The following PLVAP variants were observed in gnomAD, a reference collection of about 807,000 sequenced individuals.
The protein encoded by PLVAP is plasmalemma vesicle associated protein, also known as plasmalemma vesicle-associated protein.
A neutral mutation model predicts 43.1 loss-of-function variants in PLVAP; 34 were observed. The ratio of observed to expected loss-of-function variants is 0.79; its 90% CI spans 0.60 to 1.05. The LOEUF (loss-of-function observed/expected upper bound fraction) is 1.05. Ranked by LOEUF, PLVAP falls within the 50% of genes least tolerant of loss-of-function variation. PLVAP has a pLI of 0.00. For missense variants in PLVAP, 574 were observed against 593.4 expected (o/e 0.97, Z 0.34); for synonymous variants, 241 against 237.3 (o/e 1.02, Z -0.14).
chr19:17,359,835 A>G (rs900086586), intron 5 of PLVAP, among the ~76,000 whole-genome samples: 1 of 151,854 alleles, frequency 6.6e-6, no homozygotes, highest in Non-Finnish European at 1.5e-5. Flanking sequence ...TGGGATTCCA[A>G]GCATGAGCCA....
At chr19:17,357,686 A>C (rs146668116) in intron 5 of PLVAP, among the ~76,000 whole-genome samples, 149 of 152,244 alleles carry the variant, frequency 9.8e-4, no homozygotes, top group African/African-American at 2.0e-3. Context: ...GATTAAAAAA[A>C]TAAAATTCCA....
chr19:17,359,996 C>T (rs969282222), intron 5 of PLVAP, among the ~76,000 whole-genome samples: 1 of 152,160 alleles, frequency 6.6e-6, no homozygotes, highest in Admixed American at 6.6e-5. Flanking sequence ...GCCTAGAACA[C>T]TGTTCCCCCT....
At chr19:17,352,482 G>T in intron 5 of PLVAP, 114 bp from the exon 6 acceptor site, 2 of 1,200,050 alleles carry the variant, frequency 1.7e-6, no homozygotes, top group Non-Finnish European at 1.2e-6. Context: ...GGGGACCCCG[G>T]CCCTGCCTCC....
chr19:17,352,857 G>C (rs4808627), intron 5 of PLVAP, among the ~76,000 whole-genome samples: 149,019 of 152,290 alleles, frequency 0.98, 73,043 homozygotes, highest in Middle Eastern at 0.99. Context: ...GCCCTCAGGA[G>C]AAAGTCCAAA....
rs1224829197 is a variant in PLVAP, at chr19:17,370,023, A to AAAAG, written c.370-3832_370-3829dup. Among the ~76,000 whole-genome samples, 300 of 144,182 alleles carry AAAAG rather than the reference A, an allele frequency of 2.1e-3. 8 individuals are homozygous for AAAAG. Among genetic ancestry groups the AAAAG allele is most frequent in the East Asian group, 5.4e-3 (26 of 4,852 alleles). The allele number at this position is 144,182 out of a possible 152,430, so 94.6% of individuals were successfully genotyped here. A position where few individuals can be genotyped will look rare whatever the true frequency, so the allele number is the denominator to read the frequency against. Reference sequence around the variant, plus strand: ...GTCTAAAAAAAAAAAAAAAAAAAAAAAAAGAAAGATATTCAAAATCATTAG... The same window carrying AAAAG: ...GTCTAAAAAAAAAAAAAAAAAAAAAAAAAGAAAGAAAGATATTCAAAATCATTAG... On this transcript the variant is annotated intron_variant, in intron 1 of 5. Transcript: ENST00000252590.
intron 1 of PLVAP, among the ~76,000 whole-genome samples, chr19:17,375,524 G>C (rs987787659): frequency 3.3e-5 from 5 of 152,016 alleles, no homozygotes; most frequent in Non-Finnish European, 5.9e-5. Context: ...TTAGGAGGGT[G>C]AGCCTAGGAG....
Position 17,354,758 on chromosome 19 carries a change from C to T in PLVAP, c.1323-2390G>A, listed in dbSNP as rs1378886935. The stretch of plus-strand genomic sequence containing the variant: ...CTAAAAATACAAAAAATTAACCGGG[C>T]GTGGTGGTGGCCACCTGTAGTCCCA... On this transcript the variant is annotated intron_variant, in intron 5 of 5. Transcript: ENST00000252590. 2.7e-5 allele frequency among the ~76,000 whole-genome samples: 4 copies of T among 148,986 alleles called. No individual in the cohort carries two copies. The East Asian group carries it at 6.0e-4, about 22-fold the overall frequency.
chr19:17,363,932 G>C (rs1202801647), intron 3 of PLVAP, among the ~76,000 whole-genome samples: 1 of 151,630 alleles, frequency 6.6e-6, no homozygotes, highest in East Asian at 1.9e-4. Context: ...ATTTTTAGTA[G>C]AGACGGGATT....
intron 1 of PLVAP, among the ~76,000 whole-genome samples, chr19:17,367,390 T>A (rs1018187344): frequency 1.0e-4 from 4 of 38,938 alleles, no homozygotes; most frequent in African/African-American, 2.8e-4. Context: ...GATTTTTAAA[T>A]TTTTTTTTTT....
At chr19:17,358,243 C>T (rs1250419111) in intron 5 of PLVAP, among the ~76,000 whole-genome samples, 2 of 145,788 alleles carry the variant, frequency 1.4e-5, no homozygotes, top group Non-Finnish European at 3.0e-5. Flanking sequence ...AGTGAGCTCC[C>T]TGTTGGAGAG....
chr19:17,376,485 C>T (rs555066389), intron 1 of PLVAP, among the ~76,000 whole-genome samples: 24 of 151,686 alleles, frequency 1.6e-4, no homozygotes, highest in African/African-American at 5.6e-4. Context: ...CATGGAGACC[C>T]TGTCTCTTAA....
Position 17,366,190 on chromosome 19 carries a change from G to C in PLVAP, c.375C>G (p.Ile125Met). 6.2e-7 allele frequency: 1 copy of C among 1,614,126 alleles called. No individual in the cohort carries two copies. The highest frequency in any genetic ancestry group is 8.5e-7 in the Non-Finnish European group (1 of 1,180,008). The change falls in exon 2 of 6, where the codon ATC becomes ATG. Residue 125 changes from isoleucine to methionine, a missense_variant. Ile to Met is a conservative substitution (Grantham distance 10, BLOSUM62 1). Coordinates refer to ENST00000252590, the MANE Select transcript of PLVAP (RefSeq NM_031310.3). The stretch of plus-strand genomic sequence containing the variant: ...CCATGTACCTCTGATTGTTCGTGTA[G>C]ATGACCTGCCCGGAAGATAGGGGAA... ...SFRQCQGDRV[I>M]YTNNQRYMAA...
chr19:17,365,656 C>G lies in PLVAP; in HGVS notation c.809G>C (p.Arg270Thr), dbSNP rs750109599. The change falls in exon 3 of 6, where the codon AGA (arginine) becomes ACA (threonine). Residue 270 changes from arginine (R) to threonine (T), a missense_variant. By Grantham distance (71) the Arg-to-Thr change is moderately conservative. Coordinates refer to ENST00000252590, the MANE Select transcript of PLVAP (RefSeq NM_031310.3). The part of the protein sequence containing the change: ...PLGSELASIR[R>T]ACDHMPSLMS... ...GAGGCTGGGCATGTGGTCGCAGGCT[C>G]TGCGGATGGAGGCCAATTCCGAGCC... 2.6e-5 allele frequency: 42 copies of G among 1,613,616 alleles called. No homozygotes were observed. Among genetic ancestry groups the G allele is most frequent in the Non-Finnish European group, 3.4e-5 (40 of 1,180,014 alleles).
intron 5 of PLVAP, among the ~76,000 whole-genome samples, chr19:17,359,154 G>A (rs2074517828): frequency 6.6e-6 from 1 of 151,690 alleles, no homozygotes; most frequent in South Asian, 2.1e-4. Flanking sequence ...CCAGGCTGGA[G>A]TGTAGTGGCT....
chr19:17,365,898 G>A lies in PLVAP; in HGVS notation c.567C>T (p.Asn189=), dbSNP rs372765590. 3 of 1,613,964 alleles carry A rather than the reference G, an allele frequency of 1.9e-6. No individual in the cohort carries two copies. The African/African-American group carries it at 4.0e-5, about 22-fold the overall frequency. ...CTKDKESVLL[N]KRVAEEQLVE... is the part of the protein sequence containing the mutation. Reference sequence around the variant, plus strand: ...CCAGCTGTTCCTCCGCCACGCGTTTGTTCAGCAGCACGCTTTCCTTATCCT... The same window carrying A: ...CCAGCTGTTCCTCCGCCACGCGTTTATTCAGCAGCACGCTTTCCTTATCCT... Residue 189 remains asparagine, a synonymous_variant, in exon 3 of 6, where the codon AAC becomes AAT. Coordinates refer to ENST00000252590, the MANE Select transcript of PLVAP (RefSeq NM_031310.3).
At chr19:17,363,614 T>G (rs2074536562) in intron 3 of PLVAP, among the ~76,000 whole-genome samples, 1 of 150,492 alleles carries the variant, frequency 6.6e-6, no homozygotes, top group African/African-American at 2.5e-5. Flanking sequence ...GGTCTTTCAC[T>G]CAAGCTGGAG....
In PLVAP at chr19:17,352,480, C is replaced by T. The variant is rs895435841; in HGVS notation, c.1323-112G>A. 11 of 1,224,826 alleles carry T rather than the reference C, an allele frequency of 9.0e-6. No individual in the cohort carries two copies. The African/African-American group carries it at 1.3e-4, about 15-fold the overall frequency. The allele number at this position is 1,224,826 out of a possible 1,614,324, so 75.9% of individuals were successfully genotyped here. ...CGGGGACACAACATCCTGGGGACCC[C>T]GGCCCTGCCTCCTACCACCCTGGGC... On this transcript the variant is annotated intron_variant, in intron 5 of 5. Coordinates refer to ENST00000252590, the MANE Select transcript of PLVAP (RefSeq NM_031310.3).
Position 17,355,459 on chromosome 19 carries a change from C to T in PLVAP, c.1323-3091G>A, listed in dbSNP as rs541866255. Among the ~76,000 whole-genome samples, 21 of 151,498 alleles carry T rather than the reference C, an allele frequency of 1.4e-4. No individual in the cohort carries two copies. In the East Asian group the frequency reaches 3.7e-3, roughly 27 times the overall value. On this transcript the variant is annotated intron_variant, in intron 5 of 5. Coordinates refer to ENST00000252590, the MANE Select transcript of PLVAP (RefSeq NM_031310.3). ...CTCACTGCAGCCTTGAACTCCTCGG[C>T]TCAAGCAGTCCTCCTGCCTCAGCCT...
rs192611565 is a variant in PLVAP, at chr19:17,371,474, G to A, written c.370-5279C>T. 9.1e-4 allele frequency among the ~76,000 whole-genome samples: 138 copies of A among 151,900 alleles called. 2 individuals carry two copies. The highest frequency in any genetic ancestry group is 2.9e-3 in the African/African-American group (121 of 41,436). On this transcript the variant is annotated intron_variant, in intron 1 of 5. Transcript: ENST00000252590. ...AGACGTGAGCTGCCACGCCCGGCCAGCTATTTTTATTTTAATTTAATTTTA... is the reference window on the plus strand; with the variant it reads ...AGACGTGAGCTGCCACGCCCGGCCAACTATTTTTATTTTAATTTAATTTTA...
Sources: allele counts gnomAD v4.1 joint callset (sites outside exome capture counted in the v4.1 genomes callset), GRCh38; gene constraint gnomAD v4.1.1; transcripts MANE v1.5; gene names NCBI Gene and HGNC (gene_info 2026-07-23, HGNC 2026-07-21).